Variants in CALN1 observed in about 807,000 individuals in gnomAD.
CALN1 encodes calneuron 1.
CALN1 carries 17 observed loss-of-function variants against 30.6 expected under a neutral mutation model. That is an observed-to-expected ratio of 0.56 (90% confidence interval 0.38 to 0.83). The LOEUF (loss-of-function observed/expected upper bound fraction) is 0.83, where lower values mean the gene tolerates loss of function less well. Among genes scored for constraint, CALN1 ranks in the 40% least tolerant of loss-of-function variants. CALN1 has a pLI of 0.00. For synonymous variants in CALN1, 156 were observed against 131.4 expected (o/e 1.19, Z -1.28); for missense variants, 291 against 354.9 (o/e 0.82, Z 1.45).
At chr7:72,210,305 G>A (rs892716012) in intron 3 of CALN1, among the ~76,000 whole-genome samples, 3 of 152,132 alleles carry the variant, frequency 2.0e-5, no homozygotes, top group Admixed American at 1.3e-4. Context: ...TCCCTCGGGA[G>A]TGTTGGTGAA....
chr7:71,987,758 A>T (rs1798749602), intron 5 of CALN1, among the ~76,000 whole-genome samples: 2 of 152,214 alleles, frequency 1.3e-5, no homozygotes, highest in Admixed American at 1.3e-4. Context: ...CTGCAGGCAG[A>T]TAAATGTCTA....
chr7:72,187,981 G>A (rs768127472), intron 3 of CALN1, among the ~76,000 whole-genome samples: 5 of 152,152 alleles, frequency 3.3e-5, no homozygotes, highest in Non-Finnish European at 7.3e-5. Flanking sequence ...AATAGATGTT[G>A]GTGTGGATGC....
intron 4 of CALN1, chr7:72,104,334 G>A (rs1350797274): frequency 6.6e-6 from 1 of 152,244 alleles, no homozygotes; most frequent in Non-Finnish European, 1.5e-5. Context: ...GGGGGATTGG[G>A]AGGTGATGGC....
At chr7:71,891,664 C>G (rs901398788) in intron 5 of CALN1, among the ~76,000 whole-genome samples, 7 of 152,166 alleles carry the variant, frequency 4.6e-5, no homozygotes, top group Non-Finnish European at 8.8e-5. Flanking sequence ...GTGCTATATG[C>G]CGGGCATGAT....
chr7:72,372,822 A>T (rs1325228680), intron 2 of CALN1, among the ~76,000 whole-genome samples: 1 of 152,186 alleles, frequency 6.6e-6, no homozygotes, highest in East Asian at 1.9e-4. Context: ...CACGTAACAA[A>T]ATACTCAAAA....
At chr7:71,818,988 G>C (rs1006015383) in intron 5 of CALN1, among the ~76,000 whole-genome samples, 1 of 151,526 alleles carries the variant, frequency 6.6e-6, no homozygotes, top group Admixed American at 6.6e-5. Context: ...GATTACAGGC[G>C]TGAGCCACAG....
chr7:72,021,149 C>T (rs1011598163), intron 5 of CALN1, among the ~76,000 whole-genome samples: 2 of 152,060 alleles, frequency 1.3e-5, no homozygotes. Context: ...GTGGCTTGCA[C>T]CTGTGGTCCC....
chr7:72,229,534 A>G (rs1793931192), intron 3 of CALN1, among the ~76,000 whole-genome samples: 1 of 152,080 alleles, frequency 6.6e-6, no homozygotes, highest in South Asian at 2.1e-4. Flanking sequence ...AACCAATCCA[A>G]ATGCCCATCA....
chr7:72,190,442 G>A (rs1402475843), intron 3 of CALN1, among the ~76,000 whole-genome samples: 1 of 152,166 alleles, frequency 6.6e-6, no homozygotes, highest in Non-Finnish European at 1.5e-5. Context: ...CAAGATGAGG[G>A]AAGTGACAGC....
At chr7:72,301,083 G>A (rs952433021) in intron 2 of CALN1, among the ~76,000 whole-genome samples, 16 of 152,148 alleles carry the variant, frequency 1.1e-4, no homozygotes, top group Admixed American at 8.5e-4. Context: ...TGGAGGGCAG[G>A]ATGAATTCAT....
rs1177171810 is a variant in CALN1, at chr7:71,779,688, T to A, written c.*8087A>T. The A allele has an allele frequency of 6.6e-6, 1 of 152,204 alleles. No homozygotes were observed. Among genetic ancestry groups the A allele is most frequent in the Non-Finnish European group, 1.5e-5 (1 of 68,034 alleles). The allele number at this position is 152,204 out of a possible 1,614,324, so 9.4% of individuals were successfully genotyped here. On this transcript the variant is annotated 3_prime_UTR_variant, in exon 7 of 7. Transcript: ENST00000395275. ...ATCGGTAAGTTGCATGCTAAGTTAATTTATATTAATATGTACATTTTATAT... is the reference window on the plus strand; with the variant it reads ...ATCGGTAAGTTGCATGCTAAGTTAAATTATATTAATATGTACATTTTATAT...
chr7:71,804,242 C>T (rs113193090), intron 6 of CALN1, among the ~76,000 whole-genome samples: 22 of 152,300 alleles, frequency 1.4e-4, no homozygotes, highest in African/African-American at 4.6e-4. Context: ...GCCACAGTGG[C>T]TCACACCTGT....
At chr7:72,434,382 C>T (rs913488324) in intron 1 of CALN1, among the ~76,000 whole-genome samples, 4 of 150,580 alleles carry the variant, frequency 2.7e-5, no homozygotes, top group Non-Finnish European at 5.9e-5. Flanking sequence ...AATAGCTGGG[C>T]GTACTGGCGG....
chr7:72,076,709 T>C (rs549125388), intron 4 of CALN1, among the ~76,000 whole-genome samples: 1 of 129,128 alleles, frequency 7.7e-6, no homozygotes, highest in South Asian at 2.6e-4. Flanking sequence ...ATGAAAACAG[T>C]AGTGGGCAGC....
At chr7:71,907,946 G>A (rs1024820642) in intron 5 of CALN1, among the ~76,000 whole-genome samples, 2 of 152,242 alleles carry the variant, frequency 1.3e-5, no homozygotes, top group Non-Finnish European at 2.9e-5. Context: ...ATGCATATGC[G>A]TGTGTGCGCG....
Position 72,230,320 on chromosome 7 carries a change from ACT to A in CALN1, c.244+48364_244+48365del, listed in dbSNP as rs911843710. The stretch of plus-strand genomic sequence containing the variant: ...AGATCAGCCTGGGCAATGTGGCGAA[ACT>A]CTGTCTCTACAATAGATACTAAAAA... On this transcript the variant is annotated intron_variant, in intron 3 of 6. Transcript: ENST00000395275. 3.6e-5 allele frequency among the ~76,000 whole-genome samples: 5 copies of A among 140,552 alleles called. No individual in the cohort carries two copies. In the East Asian group the frequency reaches 1.1e-3, roughly 31 times the overall value. 92.2% of individuals were successfully genotyped at this position (140,552 alleles called of 152,430 possible). A position where few individuals can be genotyped will look rare whatever the true frequency, so the allele number is the denominator to read the frequency against.
At chr7:72,379,080 A>G (rs901492675) in intron 2 of CALN1, among the ~76,000 whole-genome samples, 1 of 152,036 alleles carries the variant, frequency 6.6e-6, no homozygotes, top group African/African-American at 2.4e-5. Flanking sequence ...TTTATATAAT[A>G]TTTTTTCATT....
chr7:72,218,121 C>T (rs1029397464), intron 3 of CALN1, among the ~76,000 whole-genome samples: 1 of 151,502 alleles, frequency 6.6e-6, no homozygotes, highest in African/African-American at 2.4e-5. Flanking sequence ...GGATTACAGG[C>T]GTGAGCCACC....
intron 1 of CALN1, among the ~76,000 whole-genome samples, chr7:72,428,801 C>T (rs1055715770): frequency 6.6e-6 from 1 of 152,146 alleles, no homozygotes; most frequent in Non-Finnish European, 1.5e-5. Context: ...GAGTTCAAGA[C>T]CAGCCTGGCC....
Sources: gnomAD v4.1 joint callset for allele counts (sites outside exome capture counted in the v4.1 genomes callset) on GRCh38, gnomAD v4.1.1 for gene constraint, MANE v1.5 for transcripts, NCBI Gene and HGNC (gene_info 2026-07-23, HGNC 2026-07-21) for gene names.